Variants in PPP6R3 observed in about 807,000 individuals in gnomAD.
PPP6R3 encodes protein phosphatase 6 regulatory subunit 3.
Under a neutral mutation model 110.7 loss-of-function variants are expected in PPP6R3, and 38 were observed. The observed-to-expected ratio is 0.34, with a 90% CI of 0.26 to 0.45. PPP6R3 has a LOEUF of 0.45. PPP6R3 is among the 20% of genes least tolerant of loss of function. PPP6R3 has a pLI of 1.00. For synonymous variants in PPP6R3, 369 were observed against 373.5 expected (o/e 0.99, Z 0.14); for missense variants, 870 against 1,062.4 (o/e 0.82, Z 2.52).
In PPP6R3 at chr11:68,496,305, G is replaced by A. The variant is rs138885802; in HGVS notation, c.-157-23196G>A. ...CTTCCCAAAGTTGTTGGGATTACAG[G>A]TGTGAGCCACCATGCCCAGCCTTTC... On this transcript the variant is annotated intron_variant, in intron 1 of 23. Coordinates refer to ENST00000393800, the MANE Select transcript of PPP6R3 (RefSeq NM_001164161.2). 3.5e-3 allele frequency among the ~76,000 whole-genome samples: 535 copies of A among 152,042 alleles called. 2 individuals carry two copies. The highest frequency in any genetic ancestry group is 0.012 in the African/African-American group (494 of 41,456).
chr11:68,613,047 C>T lies in PPP6R3; in HGVS notation c.2571-19C>T. On this transcript the variant is annotated intron_variant, in intron 23 of 23. Transcript: ENST00000393800. Reference sequence around the variant, plus strand: ...ATTTCTGCTGCAAGTGCCTCCGATGCCTGTCTGTTGCTCCTTAGGACTGGC... The same window carrying T: ...ATTTCTGCTGCAAGTGCCTCCGATGTCTGTCTGTTGCTCCTTAGGACTGGC... The T allele has an allele frequency of 6.2e-7, 1 of 1,614,140 alleles. No individual in the cohort carries two copies.
chr11:68,500,286 C>G (rs1306581029), intron 1 of PPP6R3, among the ~76,000 whole-genome samples: 1 of 145,284 alleles, frequency 6.9e-6, no homozygotes, highest in Non-Finnish European at 1.5e-5. Context: ...TAAGACCTAC[C>G]TTTTTTTTTT....
rs2099637927 is a variant in PPP6R3, at chr11:68,603,403, C to T, written c.2361C>T (p.Asp787=). The T allele has an allele frequency of 1.2e-6, 2 of 1,613,948 alleles. No individual in the cohort carries two copies. The highest frequency in any genetic ancestry group is 1.7e-6 in the Non-Finnish European group (2 of 1,180,004). Residue 787 remains aspartate (D), a synonymous_variant, in exon 22 of 24, where the codon GAC becomes GAT. Transcript: ENST00000393800. Reference sequence around the variant, plus strand: ...GAGAGGAGGATGCAGAAAGTACAGACAAGGTAACTGAGACAGTGATGAATG... The same window carrying T: ...GAGAGGAGGATGCAGAAAGTACAGATAAGGTAACTGAGACAGTGATGAATG... The part of the protein sequence containing the change: ...SDGEEDAEST[D]KVTETVMNGG...
chr11:68,483,016 A>G (rs1295533644), intron 1 of PPP6R3, among the ~76,000 whole-genome samples: 1 of 152,018 alleles, frequency 6.6e-6, no homozygotes, highest in Non-Finnish European at 1.5e-5. Flanking sequence ...TTTTGTTGTT[A>G]TTATCACAAA....
chr11:68,521,800 A>T (rs1463482661), intron 2 of PPP6R3, among the ~76,000 whole-genome samples: 1 of 152,210 alleles, frequency 6.6e-6, no homozygotes, highest in Non-Finnish European at 1.5e-5. Context: ...GTAATAATTT[A>T]GTTCAATTTT....
At chr11:68,531,998 G>A (rs1195401546) in intron 2 of PPP6R3, among the ~76,000 whole-genome samples, 1 of 152,208 alleles carries the variant, frequency 6.6e-6, no homozygotes, top group Non-Finnish European at 1.5e-5. Context: ...GCTAGCATTC[G>A]ACTAGCAGTG....
intron 14 of PPP6R3, among the ~76,000 whole-genome samples, chr11:68,582,625 C>T (rs1017890501): frequency 2.6e-5 from 4 of 152,222 alleles, no homozygotes; most frequent in African/African-American, 4.8e-5. Context: ...GGCGCACTGG[C>T]GCACTGGTAA....
intron 3 of PPP6R3, among the ~76,000 whole-genome samples, chr11:68,539,661 A>T (rs191204809): frequency 3.3e-5 from 5 of 152,328 alleles, no homozygotes; most frequent in Non-Finnish European, 7.4e-5. Context: ...CTTTAGGGTT[A>T]TGGTTGACTA....
intron 3 of PPP6R3, among the ~76,000 whole-genome samples, chr11:68,542,389 G>GTTTTTCTTTTTTTTT (rs2099321754): frequency 2.5e-5 from 1 of 40,188 alleles, no homozygotes; most frequent in Non-Finnish European, 4.1e-5. Flanking sequence ...AGAAGCTGCT[G>GTTTTTCTTTTTTTTT]TTTTTTTTTT....
chr11:68,552,433 G>A (rs1425468958), intron 6 of PPP6R3, among the ~76,000 whole-genome samples: 1 of 152,230 alleles, frequency 6.6e-6, no homozygotes, highest in Non-Finnish European at 1.5e-5. Context: ...TTATTAAAGG[G>A]ACTGTCACTT....
Position 68,582,144 on chromosome 11 carries a change from A to G in PPP6R3, c.1546-899A>G, listed in dbSNP as rs146359886. Among the ~76,000 whole-genome samples the G allele has an allele frequency of 3.5e-3, 532 of 152,340 alleles. 6 individuals carry two copies. Among genetic ancestry groups the G allele is most frequent in the African/African-American group, 0.012 (509 of 41,578 alleles). ...CAGCCCGTGTCTTCCCTAAGATGACATTCCCTGCCCAAAACACTTCTGTGA... is the reference window on the plus strand; with the variant it reads ...CAGCCCGTGTCTTCCCTAAGATGACGTTCCCTGCCCAAAACACTTCTGTGA... On this transcript the variant is annotated intron_variant, in intron 14 of 23. Coordinates refer to ENST00000393800, the MANE Select transcript of PPP6R3 (RefSeq NM_001164161.2).
At chr11:68,577,116 T>A (rs1379594809) in intron 14 of PPP6R3, among the ~76,000 whole-genome samples, 1 of 152,206 alleles carries the variant, frequency 6.6e-6, no homozygotes, top group Non-Finnish European at 1.5e-5. Flanking sequence ...GGCCATTTAA[T>A]TAAAATAGAC....
intron 1 of PPP6R3, among the ~76,000 whole-genome samples, chr11:68,475,236 G>A (rs1169580430): frequency 1.3e-5 from 2 of 152,172 alleles, no homozygotes; most frequent in Admixed American, 6.5e-5. Context: ...TTGGGGGTAA[G>A]GTCATAGATC....
In PPP6R3 at chr11:68,574,105, T is replaced by C; in HGVS notation, c.1344-4T>C. ...CTGAGTATTTGTCCTTTACCTCTTG[T>C]CAGGGCTGAGGGAGGAAGACGGCAT... On this transcript the variant is annotated splice_region_variant and splice_polypyrimidine_tract_variant and intron_variant, in intron 12 of 23. Coordinates refer to ENST00000393800, the MANE Select transcript of PPP6R3 (RefSeq NM_001164161.2). 6.2e-7 allele frequency: 1 copy of C among 1,607,096 alleles called. No homozygotes were observed. The highest frequency in any genetic ancestry group is 8.5e-7 in the Non-Finnish European group (1 of 1,173,674).
At chr11:68,477,687 A>G (rs1214210420) in intron 1 of PPP6R3, among the ~76,000 whole-genome samples, 1 of 146,570 alleles carries the variant, frequency 6.8e-6, no homozygotes, top group Non-Finnish European at 1.5e-5. Context: ...TGATTGCGCC[A>G]CTGCACTCCA....
intron 19 of PPP6R3, among the ~76,000 whole-genome samples, chr11:68,597,371 C>T (rs368363445): frequency 7.2e-5 from 11 of 152,158 alleles, no homozygotes; most frequent in East Asian, 1.9e-4. Context: ...GATGAGGTGG[C>T]GGGAGCGAAG....
At chr11:68,527,618 C>T (rs1447987184) in intron 2 of PPP6R3, among the ~76,000 whole-genome samples, 3 of 564 alleles carry the variant, frequency 5.3e-3, no homozygotes, top group Non-Finnish European at 0.031. Context: ...TGCTTTTGTT[C>T]AGAATTGTTC....
intron 21 of PPP6R3, 58 bp from the exon 22 acceptor site, chr11:68,603,284 G>A: frequency 6.2e-7 from 1 of 1,600,898 alleles, no homozygotes; most frequent in Non-Finnish European, 8.5e-7. Context: ...GTACAGTGGT[G>A]GGGTGCCAGT....
intron 18 of PPP6R3, among the ~76,000 whole-genome samples, chr11:68,593,347 A>C (rs1043604716): frequency 2.6e-5 from 4 of 152,192 alleles, no homozygotes; most frequent in Admixed American, 2.0e-4. Flanking sequence ...CTAATGTATT[A>C]GTAGTCCATT....
Sources: allele counts gnomAD v4.1 joint callset (sites outside exome capture counted in the v4.1 genomes callset), GRCh38; gene constraint gnomAD v4.1.1; transcripts MANE v1.5; gene names NCBI Gene and HGNC (gene_info 2026-07-23, HGNC 2026-07-21).